ABHD17C: variants seen among roughly 807,000 people sequenced by gnomAD.
ABHD17C encodes abhydrolase domain containing 17C, depalmitoylase.
ABHD17C carries 11 observed loss-of-function variants against 27.9 expected under a neutral mutation model. The ratio of observed to expected loss-of-function variants is 0.39; its 90% CI spans 0.25 to 0.65. ABHD17C has a LOEUF of 0.65. ABHD17C is among the 30% of genes least tolerant of loss of function. The pLI is 0.45. For missense variants in ABHD17C, 280 were observed against 470.2 expected, an observed-to-expected ratio of 0.60 and a Z score of 3.74; for synonymous variants, 233 against 209.1, an observed-to-expected ratio of 1.11 and a Z score of -0.98.
At chr15:80,730,492 C>T (rs967057223) in intron 1 of ABHD17C, among the ~76,000 whole-genome samples, 2 of 152,208 alleles carry the variant, frequency 1.3e-5, no homozygotes, top group African/African-American at 4.8e-5. Context: ...GATGAAAACG[C>T]AGTTCTACTT....
intron 1 of ABHD17C, among the ~76,000 whole-genome samples, chr15:80,746,329 T>G (rs1312677851): frequency 6.6e-6 from 1 of 152,216 alleles, no homozygotes; most frequent in Non-Finnish European, 1.5e-5. Flanking sequence ...ATGCTAGATC[T>G]AGGCTCTGTG....
chr15:80,728,907 G>C (rs1375028558), intron 1 of ABHD17C, among the ~76,000 whole-genome samples: 1 of 152,144 alleles, frequency 6.6e-6, no homozygotes, highest in South Asian at 2.1e-4. Flanking sequence ...CACCACGCCC[G>C]GCCTAAAGCA....
At chr15:80,737,531 C>T (rs905270004) in intron 1 of ABHD17C, among the ~76,000 whole-genome samples, 3 of 152,188 alleles carry the variant, frequency 2.0e-5, no homozygotes, top group Non-Finnish European at 4.4e-5. Flanking sequence ...AAATTGTTAA[C>T]TTGCCCAAAG....
intron 1 of ABHD17C, among the ~76,000 whole-genome samples, chr15:80,723,532 GTAT>G (rs1894927915): frequency 6.6e-6 from 1 of 152,214 alleles, no homozygotes; most frequent in African/African-American, 2.4e-5. Flanking sequence ...ACCATGGATA[GTAT>G]TAGGGATTCC....
chr15:80,752,700 A>G (rs1358286557), intron 2 of ABHD17C, among the ~76,000 whole-genome samples: 1 of 152,256 alleles, frequency 6.6e-6, no homozygotes, highest in South Asian at 2.1e-4. Context: ...AGGATCAAAT[A>G]TGGAAAGAGA....
chr15:80,708,060 C>T (rs924937753), intron 1 of ABHD17C, among the ~76,000 whole-genome samples: 2 of 152,164 alleles, frequency 1.3e-5, no homozygotes, highest in African/African-American at 4.8e-5. Flanking sequence ...ACTGTCAGCG[C>T]AGCTCTTCAT....
intron 1 of ABHD17C, among the ~76,000 whole-genome samples, chr15:80,746,953 G>A (rs1475769663): frequency 3.3e-5 from 5 of 152,156 alleles, no homozygotes; most frequent in Non-Finnish European, 7.4e-5. Context: ...TTTTATCAAA[G>A]AAGGTGAGGG....
intron 1 of ABHD17C, among the ~76,000 whole-genome samples, chr15:80,737,608 T>G (rs924873102): frequency 2.0e-5 from 3 of 152,162 alleles, no homozygotes; most frequent in African/African-American, 7.2e-5. Flanking sequence ...CATGCCACGG[T>G]GCAGTTAAAC....
chr15:80,737,844 C>G (rs760074559), intron 1 of ABHD17C, among the ~76,000 whole-genome samples: 3 of 152,068 alleles, frequency 2.0e-5, no homozygotes, highest in East Asian at 1.9e-4. Context: ...GAAGGGCCAC[C>G]TGGAGAGAAA....
intron 2 of ABHD17C, 74 bp downstream of exon 2, chr15:80,749,766 C>A: frequency 6.7e-7 from 1 of 1,487,194 alleles, no homozygotes. Context: ...CCATAAATAT[C>A]TGTGTAAATA....
chr15:80,749,395 G>T (rs1895337381), intron 1 of ABHD17C, 118 bp from the exon 2 acceptor site: 1 of 1,019,634 alleles, frequency 9.8e-7, no homozygotes. Flanking sequence ...CAAGTTAGAT[G>T]ATATGGTTTT....
At chr15:80,705,941 C>T (rs1894642128) in intron 1 of ABHD17C, among the ~76,000 whole-genome samples, 1 of 152,208 alleles carries the variant, frequency 6.6e-6, no homozygotes, top group Non-Finnish European at 1.5e-5. Context: ...GCAAACCATT[C>T]CTGGTTTGCC....
In ABHD17C at chr15:80,755,144, G is replaced by A. The variant is rs1895416587; in HGVS notation, c.*774G>A. ...ATCACATTGTGCATAGATTCTTAAT[G>A]GTAGATATGATTTCTTTTGTCAGGC... On this transcript the variant is annotated 3_prime_UTR_variant, in exon 3 of 3. Coordinates refer to ENST00000258884, the MANE Select transcript of ABHD17C (RefSeq NM_021214.2). 6.6e-6 allele frequency: 1 copy of A among 152,212 alleles called. No homozygotes were observed. The highest frequency in any genetic ancestry group is 1.5e-5 in the Non-Finnish European group (1 of 68,016). 9.4% of individuals were successfully genotyped at this position (152,212 alleles called of 1,614,324 possible).
intron 1 of ABHD17C, among the ~76,000 whole-genome samples, chr15:80,729,408 T>C (rs1332024119): frequency 2.6e-5 from 4 of 152,240 alleles, no homozygotes; most frequent in Non-Finnish European, 5.9e-5. Flanking sequence ...TTTCACATTT[T>C]TCAATCTGAG....
At chr15:80,714,422 A>G (rs1894775779) in intron 1 of ABHD17C, among the ~76,000 whole-genome samples, 1 of 152,220 alleles carries the variant, frequency 6.6e-6, no homozygotes. Flanking sequence ...ACAAATGCAG[A>G]AACTTAGGAC....
intron 2 of ABHD17C, among the ~76,000 whole-genome samples, chr15:80,752,367 T>TC (rs1431498489): frequency 6.6e-6 from 1 of 152,202 alleles, no homozygotes; most frequent in African/African-American, 2.4e-5. Context: ...CTTGAAGTGG[T>TC]CCGCGGCTTC....
chr15:80,730,825 TTGTTTATGGTGAAATGCA>T (rs1895047871), intron 1 of ABHD17C, among the ~76,000 whole-genome samples: 1 of 152,172 alleles, frequency 6.6e-6, no homozygotes, highest in Admixed American at 6.5e-5. Context: ...GATATTGTAA[TTGTTTATGGTGAAATGCA>T]TAGGATGGCA....
intron 1 of ABHD17C, among the ~76,000 whole-genome samples, chr15:80,706,043 A>G (rs1894643902): frequency 6.6e-6 from 1 of 152,192 alleles, no homozygotes; most frequent in African/African-American, 2.4e-5. Context: ...AAAAGCCTGT[A>G]TTGTGTGCAC....
intron 1 of ABHD17C, among the ~76,000 whole-genome samples, chr15:80,714,204 C>T (rs1894772381): frequency 6.6e-6 from 1 of 152,186 alleles, no homozygotes; most frequent in South Asian, 2.1e-4. Context: ...AGTCTGCTTA[C>T]CTTGGCCTCC....
Sources: gnomAD v4.1 joint callset for allele counts (sites outside exome capture counted in the v4.1 genomes callset) on GRCh38, gnomAD v4.1.1 for gene constraint, MANE v1.5 for transcripts, NCBI Gene and HGNC (gene_info 2026-07-23, HGNC 2026-07-21) for gene names.